HSF5: variants seen among roughly 807,000 people sequenced by gnomAD.
HSF5 encodes heat shock transcription factor 5, also known as heat shock factor protein 5.
A neutral mutation model predicts 50.8 loss-of-function variants in HSF5; 5 were observed. The observed-to-expected ratio is 0.10, with a 90% CI of 0.05 to 0.21. HSF5 has a LOEUF of 0.21. Ranked by LOEUF, HSF5 falls within the 10% of genes least tolerant of loss-of-function variation. The pLI is 1.00. For synonymous variants in HSF5, 307 were observed against 307.4 expected, an observed-to-expected ratio of 1.00 and a Z score of 0.02; for missense variants, 564 against 762.6, an observed-to-expected ratio of 0.74 and a Z score of 3.07.
At chr17:58,484,455 G>C (rs1975141276) in intron 1 of HSF5, among the ~76,000 whole-genome samples, 1 of 152,202 alleles carries the variant, frequency 6.6e-6, no homozygotes, top group South Asian at 2.1e-4. Flanking sequence ...AAAGGTCAGA[G>C]AAGAGAAAAG....
rs138044172 is a variant in HSF5, at chr17:58,480,535, A to G, written c.551-268T>C. Reference sequence around the variant, plus strand: ...CATTAAATCAAATGTTAAATCAAAAATTCAACATTAAAAGCCTTTTATACA... The same window carrying G: ...CATTAAATCAAATGTTAAATCAAAAGTTCAACATTAAAAGCCTTTTATACA... On this transcript the variant is annotated intron_variant, in intron 1 of 5. Transcript: ENST00000323777. 3.3e-5 allele frequency among the ~76,000 whole-genome samples: 5 copies of G among 152,282 alleles called. No individual in the cohort carries two copies. In the East Asian group the frequency reaches 9.6e-4, roughly 29 times the overall value.
At chr17:58,477,609 G>A (rs542586362) in intron 2 of HSF5, among the ~76,000 whole-genome samples, 40 of 151,830 alleles carry the variant, frequency 2.6e-4, no homozygotes, top group Non-Finnish European at 4.7e-4. Flanking sequence ...ACAGGTGCCC[G>A]TCACCACACC....
At chr17:58,464,781 C>T (rs1392946826) in intron 3 of HSF5, among the ~76,000 whole-genome samples, 1 of 152,022 alleles carries the variant, frequency 6.6e-6, no homozygotes, top group Non-Finnish European at 1.5e-5. Context: ...TACAAGCGCC[C>T]ACCACCATGC....
intron 5 of HSF5, among the ~76,000 whole-genome samples, chr17:58,436,695 G>A (rs1974431050): frequency 1.3e-5 from 2 of 152,062 alleles, no homozygotes; most frequent in African/African-American, 4.8e-5. Context: ...TCTTTGTTGA[G>A]GAATATGTCT....
At chr17:58,444,024 G>A (rs373789361) in intron 5 of HSF5, among the ~76,000 whole-genome samples, 2 of 152,104 alleles carry the variant, frequency 1.3e-5, no homozygotes, top group Non-Finnish European at 2.9e-5. Flanking sequence ...TAAATCTAAC[G>A]AATGAGGCAA....
At position 58,421,777 on chromosome 17, in the gene HSF5, A is replaced by C. The variant is rs1242258286; in HGVS notation, c.*583T>G. 1 of 152,600 alleles carries C rather than the reference A, an allele frequency of 6.6e-6. No homozygotes were observed. The highest frequency in any genetic ancestry group is 1.5e-5 in the Non-Finnish European group (1 of 68,050). The allele number at this position is 152,600 out of a possible 1,614,324, so 9.5% of individuals were successfully genotyped here. A position where few individuals can be genotyped will look rare whatever the true frequency, so the allele number is the denominator to read the frequency against. ...GTCCAAGTCCGGATGCCTTGCTCTT[A>C]AAACAGAATGCTGGGTTAGGAAGTA... On this transcript the variant is annotated 3_prime_UTR_variant, in exon 6 of 6. Coordinates refer to ENST00000323777, the MANE Select transcript of HSF5 (RefSeq NM_001080439.3).
rs115288962 is a variant in HSF5, at chr17:58,463,753, G to A, written c.1021-450C>T. 8.4e-3 allele frequency among the ~76,000 whole-genome samples: 1,274 copies of A among 152,232 alleles called. 22 individuals are homozygous for A. The highest frequency in any genetic ancestry group is 0.029 in the African/African-American group (1,189 of 41,540). Reference sequence around the variant, plus strand: ...CAATCCTTCTACAGATTCAGGGAGCGGTACTAATATTCTGTTCCAAATAAT... The same window carrying A: ...CAATCCTTCTACAGATTCAGGGAGCAGTACTAATATTCTGTTCCAAATAAT... On this transcript the variant is annotated intron_variant, in intron 3 of 5. Transcript: ENST00000323777.
intron 5 of HSF5, among the ~76,000 whole-genome samples, chr17:58,451,600 G>A (rs181090706): frequency 6.0e-4 from 92 of 152,196 alleles, no homozygotes; most frequent in African/African-American, 1.7e-3. Flanking sequence ...ATGGATCTAC[G>A]AAGAAATTAA....
At chr17:58,448,636 A>T (rs2143758466) in intron 5 of HSF5, among the ~76,000 whole-genome samples, 1 of 152,352 alleles carries the variant, frequency 6.6e-6, no homozygotes, top group East Asian at 1.9e-4. Context: ...TACCTAGCAA[A>T]GCTATCCTTC....
chr17:58,474,316 T>C (rs146427768), intron 2 of HSF5, among the ~76,000 whole-genome samples: 3 of 152,350 alleles, frequency 2.0e-5, no homozygotes, highest in African/African-American at 7.2e-5. Context: ...TACTTCAGAA[T>C]GCTCAAAGTA....
At chr17:58,460,724 T>C (rs190510193) in intron 4 of HSF5, among the ~76,000 whole-genome samples, 11 of 151,686 alleles carry the variant, frequency 7.3e-5, no homozygotes, top group Non-Finnish European at 1.6e-4. Context: ...TTAACCAGGA[T>C]GGTCTCGATC....
At chr17:58,476,396 C>T (rs1975012446) in intron 2 of HSF5, 8 of 1,003,790 alleles carry the variant, frequency 8.0e-6, no homozygotes. Context: ...CTCCCTGGTT[C>T]CTCATGCTGC....
intron 5 of HSF5, among the ~76,000 whole-genome samples, chr17:58,426,533 T>C (rs1319784926): frequency 6.6e-6 from 1 of 152,218 alleles, no homozygotes; most frequent in African/African-American, 2.4e-5. Context: ...TGATCATTCC[T>C]ACCAAGAGCA....
At chr17:58,469,098 G>GAAA (rs60851317) in intron 2 of HSF5, among the ~76,000 whole-genome samples, 2 of 121,102 alleles carry the variant, frequency 1.7e-5, no homozygotes, top group Non-Finnish European at 1.7e-5. Flanking sequence ...CTCGGGAAGG[G>GAAA]AAAAAAAAAA....
intron 5 of HSF5, among the ~76,000 whole-genome samples, chr17:58,453,573 C>T (rs113213220): frequency 6.6e-6 from 1 of 151,348 alleles, no homozygotes; most frequent in African/African-American, 2.4e-5. Context: ...CCAGCCTGGG[C>T]GACAGAGTGA....
intron 5 of HSF5, among the ~76,000 whole-genome samples, chr17:58,432,802 A>G (rs1208201245): frequency 4.6e-5 from 7 of 152,190 alleles, no homozygotes; most frequent in Non-Finnish European, 1.5e-5. Context: ...AAACCTTAAG[A>G]AGCTACTGCA....
intron 5 of HSF5, among the ~76,000 whole-genome samples, chr17:58,452,735 G>C (rs1383978113): frequency 6.6e-6 from 1 of 152,248 alleles, no homozygotes; most frequent in Admixed American, 6.5e-5. Flanking sequence ...TGCGATGTGA[G>C]GAGCACCTCT....
At chr17:58,449,894 G>A (rs1425970736) in intron 5 of HSF5, among the ~76,000 whole-genome samples, 3 of 147,550 alleles carry the variant, frequency 2.0e-5, no homozygotes, top group Non-Finnish European at 4.5e-5. Context: ...GTAGTGGCGG[G>A]CGCCTGTAGT....
At position 58,462,892 on chromosome 17, in the gene HSF5, A is replaced by G. The variant is rs775573872; in HGVS notation, c.1432T>C (p.Ser478Pro). The G allele has an allele frequency of 3.1e-5, 50 of 1,614,002 alleles. No homozygotes were observed. The highest frequency in any genetic ancestry group is 5.9e-6 in the Non-Finnish European group (7 of 1,180,024). ...ACATGAGCTTGCTGGATGGCTGCAG[A>G]TTCCTGTATTGTGCTATTTTCAACA... ...QPVENSTIQE[S>P]AAIQQAHVKL... Residue 478 changes from serine to proline, a missense_variant, in exon 4 of 6, where the codon TCT becomes CCT. Ser to Pro is a moderately conservative substitution (Grantham distance 74). This residue lies in a region of HSF5 where 441 missense variants were observed against 533.6 expected (regional missense o/e 0.83). Transcript: ENST00000323777.
Sources: allele counts gnomAD v4.1 joint callset (sites outside exome capture counted in the v4.1 genomes callset), GRCh38; gene constraint gnomAD v4.1.1; regional missense constraint gnomAD v4.1.1; transcripts MANE v1.5; gene names NCBI Gene and HGNC (gene_info 2026-07-23, HGNC 2026-07-21).